The following KDM3A variants were observed in gnomAD, a reference collection of about 807,000 sequenced individuals.
KDM3A encodes the protein lysine demethylase 3A, also known as lysine-specific demethylase 3A.
Under a neutral mutation model 158.0 loss-of-function variants are expected in KDM3A, and 60 were observed. That is an observed-to-expected ratio of 0.38 (90% CI 0.31 to 0.47). The LOEUF (loss-of-function observed/expected upper bound fraction) is 0.47. KDM3A is among the 20% of genes least tolerant of loss of function. The pLI is 0.99. For synonymous variants in KDM3A, 608 were observed against 549.3 expected, an observed-to-expected ratio of 1.11 and a Z score of -1.49; for missense variants, 1,319 against 1,574.3, an observed-to-expected ratio of 0.84 and a Z score of 2.74.
In KDM3A at chr2:86,470,253, G is replaced by C; in HGVS notation, c.1569G>C (p.Leu523=). The C allele has an allele frequency of 3.1e-6, 5 of 1,614,126 alleles. No homozygotes were observed. The highest frequency in any genetic ancestry group is 4.2e-6 in the Non-Finnish European group (5 of 1,180,004). Residue 523 remains leucine (L), a synonymous_variant, in exon 11 of 26, where the codon CTG becomes CTC. Transcript: ENST00000312912. ...VLTDPAKLKK[L]QQSGEAFVQD... ...CAGACCCAGCTAAACTCAAAAAGCT[G>C]CAACAGAGTGGCGAGGCCTTCGTAC...
At chr2:86,463,240 A>AG (rs1672997182) in intron 8 of KDM3A, among the ~76,000 whole-genome samples, 1 of 152,196 alleles carries the variant, frequency 6.6e-6, no homozygotes, top group Admixed American at 6.5e-5. Flanking sequence ...TGACTTAAAA[A>AG]TTTAAGGTAT....
At chr2:86,476,536 C>T (rs1000995491) in intron 12 of KDM3A, among the ~76,000 whole-genome samples, 5 of 151,844 alleles carry the variant, frequency 3.3e-5, no homozygotes, top group Middle Eastern at 3.2e-3. Context: ...TGAAATATGC[C>T]ACCATACCCA....
At chr2:86,441,866 GC>G in intron 1 of KDM3A, 151 bp from the exon 2 acceptor site, 1 of 328,660 alleles carries the variant, frequency 3.0e-6, no homozygotes, top group Non-Finnish European at 5.2e-6. Flanking sequence ...GCGGCGGGGG[GC>G]GGGAGGGCGC....
chr2:86,441,727 C>G lies in KDM3A; in HGVS notation c.-31+283C>G, dbSNP rs1443772222. Reference sequence around the variant, plus strand: ...TTCGGGGCTGGGGGCTGAGCACTTTCAAATCCACTCGAGCCGCAGATAATT... The same window carrying G: ...TTCGGGGCTGGGGGCTGAGCACTTTGAAATCCACTCGAGCCGCAGATAATT... On this transcript the variant is annotated intron_variant, in intron 1 of 25. Coordinates refer to ENST00000312912, the MANE Select transcript of KDM3A (RefSeq NM_018433.6). 1.1e-4 allele frequency among the ~76,000 whole-genome samples: 16 copies of G among 151,174 alleles called. 1 individual carries two copies. The highest frequency in any genetic ancestry group is 1.0e-3 in the South Asian group (5 of 4,820).
intron 2 of KDM3A, among the ~76,000 whole-genome samples, chr2:86,448,974 T>C (rs997621152): frequency 3.3e-5 from 5 of 152,220 alleles, no homozygotes; most frequent in African/African-American, 1.2e-4. Flanking sequence ...TTTATGGTTT[T>C]GTAAACAATT....
chr2:86,454,436 G>A (rs1185598642), intron 4 of KDM3A, among the ~76,000 whole-genome samples: 1 of 152,138 alleles, frequency 6.6e-6, no homozygotes. Context: ...GGACTTTGGT[G>A]GAAAGAGATA....
At chr2:86,474,225 C>T (rs1673545229) in intron 11 of KDM3A, among the ~76,000 whole-genome samples, 1 of 152,108 alleles carries the variant, frequency 6.6e-6, no homozygotes, top group South Asian at 2.1e-4. Context: ...TCCCCTTCTC[C>T]TCCCTCCTCT....
Position 86,451,130 on chromosome 2 carries a change from G to A in KDM3A, c.370G>A (p.Gly124Ser). 1 of 1,610,704 alleles carries A rather than the reference G, an allele frequency of 6.2e-7. No individual in the cohort carries two copies. The highest frequency in any genetic ancestry group is 8.5e-7 in the Non-Finnish European group (1 of 1,178,948). Residue 124 changes from glycine (G) to serine (S), a missense_variant, in exon 4 of 26, where the codon GGT becomes AGT. By Grantham distance (56) the Gly-to-Ser change is moderately conservative (BLOSUM62 0). Transcript: ENST00000312912. ...GTACAAACCTCTGTTGGACAAAGCT[G>A]GTTTGGGATCCATAACTTCTGTTCG... ...ITYKPLLDKAGLGSITSVRFL... is the reference protein window; with the variant it reads ...ITYKPLLDKASLGSITSVRFL...
chr2:86,461,592 CAGTG>C (rs1672933782), intron 8 of KDM3A, among the ~76,000 whole-genome samples: 1 of 152,084 alleles, frequency 6.6e-6, no homozygotes, highest in Non-Finnish European at 1.5e-5. Context: ...AGGAGACTGA[CAGTG>C]AATAAGTGAA....
intron 12 of KDM3A, among the ~76,000 whole-genome samples, chr2:86,475,343 G>A (rs1311541442): frequency 6.6e-6 from 1 of 152,164 alleles, no homozygotes; most frequent in African/African-American, 2.4e-5. Flanking sequence ...ACATTTCGAG[G>A]AAAATAAGAA....
chr2:86,443,374 CAA>C (rs1558600589), intron 2 of KDM3A: 2 of 152,178 alleles, frequency 1.3e-5, no homozygotes, highest in Non-Finnish European at 1.5e-5. Flanking sequence ...TATTTATCTG[CAA>C]AGAGTTGTAG....
At chr2:86,477,836 C>T in intron 12 of KDM3A, 41 bp from the exon 13 acceptor site, 1 of 1,543,512 alleles carries the variant, frequency 6.5e-7, no homozygotes, top group Middle Eastern at 1.9e-4. Context: ...TTTCAGAAGC[C>T]CTCTCCTTCC....
intron 7 of KDM3A, 36 bp from the exon 8 acceptor site, chr2:86,456,947 A>G (rs1029780686): frequency 3.2e-6 from 5 of 1,573,438 alleles, no homozygotes; most frequent in Non-Finnish European, 4.4e-6. Flanking sequence ...TAAGAGAAAC[A>G]GGGAAGCCAA....
Position 86,478,218 on chromosome 2 carries a change from T to C in KDM3A, c.2141T>C (p.Ile714Thr). The change falls in exon 14 of 26, where the codon ATA becomes ACA. Residue 714 changes from isoleucine to threonine, a missense_variant. Transcript: ENST00000312912. ...TGGCTAAAATGTGTGAAGAGTCAGA[T>C]ACATGAACCAGAGAACTTAATGCCC... ...FSWLKCVKSQ[I>T]HEPENLMPTQ... 6.2e-7 allele frequency: 1 copy of C among 1,614,108 alleles called. No homozygotes were observed. Among genetic ancestry groups the C allele is most frequent in the Non-Finnish European group, 8.5e-7 (1 of 1,179,912 alleles).
chr2:86,474,700 GT>G (rs72545104), intron 11 of KDM3A, 75 bp from the exon 12 acceptor site: 18 of 430,576 alleles, frequency 4.2e-5, no homozygotes, highest in East Asian at 2.6e-4. Context: ...TTGTAAATAA[GT>G]TGTGTGTGTG....
chr2:86,484,607 C>T, intron 19 of KDM3A: 1 of 266,006 alleles, frequency 3.8e-6, no homozygotes, highest in Non-Finnish European at 7.2e-6. Context: ...AAGGGAGCGG[C>T]TGAATCTCCC....
At position 86,466,704 on chromosome 2, in the gene KDM3A, C is replaced by G; in HGVS notation, c.1340C>G (p.Ser447Trp). ...QKHLEHAPSP[S>W]DVSNAPEVKA... ...CACCTAGAACATGCACCTTCCCCATCGGATGTTTCAAATGCACCAGAAGTG... is the reference window on the plus strand; with the variant it reads ...CACCTAGAACATGCACCTTCCCCATGGGATGTTTCAAATGCACCAGAAGTG... Residue 447 changes from serine to tryptophan, a missense_variant, in exon 10 of 26, where the codon TCG becomes TGG. By Grantham distance (177) the Ser-to-Trp change is radical (BLOSUM62 -3). Coordinates refer to ENST00000312912, the MANE Select transcript of KDM3A (RefSeq NM_018433.6). 6.2e-7 allele frequency: 1 copy of G among 1,613,876 alleles called. No homozygotes were observed. Among genetic ancestry groups the G allele is most frequent in the Non-Finnish European group, 8.5e-7 (1 of 1,179,840 alleles).
chr2:86,460,024 TA>T (rs1272253243), intron 8 of KDM3A, among the ~76,000 whole-genome samples: 1 of 152,196 alleles, frequency 6.6e-6, no homozygotes, highest in Non-Finnish European at 1.5e-5. Context: ...TTCTTGAAAA[TA>T]TTTTTTTGAT....
At chr2:86,451,331 A>G in intron 4 of KDM3A, 118 bp downstream of exon 4, 1 of 573,310 alleles carries the variant, frequency 1.7e-6, no homozygotes, top group Non-Finnish European at 3.0e-6. Context: ...TACTCCTTGC[A>G]CAGTAAAACA....
Sources: allele counts gnomAD v4.1 joint callset (sites outside exome capture counted in the v4.1 genomes callset), GRCh38; gene constraint gnomAD v4.1.1; transcripts MANE v1.5; gene names NCBI Gene and HGNC (gene_info 2026-07-23, HGNC 2026-07-21).